Variants in CABCOCO1 observed in about 807,000 individuals in gnomAD.
CABCOCO1 encodes ciliary associated calcium binding coiled-coil 1.
CABCOCO1 carries 28 observed loss-of-function variants against 35.7 expected under a neutral mutation model. The ratio of observed to expected loss-of-function variants is 0.78; its 90% CI spans 0.58 to 1.07. The LOEUF (loss-of-function observed/expected upper bound fraction) is 1.07. Among genes scored for constraint, CABCOCO1 ranks in the 50% least tolerant of loss-of-function variants. The probability of loss-of-function intolerance (pLI) is 0.00; values close to 1 mark genes in which losing one functional copy is unlikely to be tolerated. For missense variants in CABCOCO1, 326 were observed against 309.2 expected, an observed-to-expected ratio of 1.05 and a Z score of -0.41; for synonymous variants, 95 against 100.1, an observed-to-expected ratio of 0.95 and a Z score of 0.30.
chr10:61,743,091 G>A (rs945544422), intron 5 of CABCOCO1, among the ~76,000 whole-genome samples: 3 of 152,130 alleles, frequency 2.0e-5, no homozygotes, highest in Admixed American at 6.6e-5. Context: ...TGCAAGTAAA[G>A]TAATAAGGCC....
At chr10:61,667,927 C>T (rs1446318748) in intron 1 of CABCOCO1, among the ~76,000 whole-genome samples, 2 of 151,846 alleles carry the variant, frequency 1.3e-5, no homozygotes, top group African/African-American at 4.8e-5. Flanking sequence ...CATCCATCAC[C>T]TTTTTGTAGT....
In CABCOCO1 at chr10:61,687,103, A is replaced by T. The variant is rs1490287875; in HGVS notation, c.479+918A>T. On this transcript the variant is annotated intron_variant, in intron 4 of 7. Transcript: ENST00000648843. ...AGCTGAAATCTAGAAAGCTTTTTAAATCCTAGTAGGTTTAATATGATAAAG... is the reference window on the plus strand; with the variant it reads ...AGCTGAAATCTAGAAAGCTTTTTAATTCCTAGTAGGTTTAATATGATAAAG... 2.0e-5 allele frequency among the ~76,000 whole-genome samples: 3 copies of T among 152,196 alleles called. No homozygotes were observed. In the East Asian group the frequency reaches 5.8e-4, roughly 29 times the overall value.
At chr10:61,756,901 A>G (rs1475724780) in intron 5 of CABCOCO1, among the ~76,000 whole-genome samples, 1 of 152,052 alleles carries the variant, frequency 6.6e-6, no homozygotes, top group African/African-American at 2.4e-5. Context: ...TGAGGAAAAA[A>G]AAATGAGACA....
rs1564532180 is a variant in CABCOCO1 at position 61,680,400 on chromosome 10, A to ATG, written c.165-742_165-741insGT. Among the ~76,000 whole-genome samples the ATG allele has an allele frequency of 6.7e-5, 9 of 135,082 alleles. No homozygotes were observed. The East Asian group carries it at 1.4e-3, about 21-fold the overall frequency. The allele number at this position is 135,082 out of a possible 152,430, so 88.6% of individuals were successfully genotyped here. ...TATAACATATAATATATATATTTTT[A>ATG]TATATAACATATATAATATATATTT... On this transcript the variant is annotated intron_variant, in intron 2 of 7. Coordinates refer to ENST00000648843, the MANE Select transcript of CABCOCO1 (RefSeq NM_001366906.2).
intron 1 of CABCOCO1, among the ~76,000 whole-genome samples, chr10:61,671,738 C>T (rs1483299587): frequency 6.6e-6 from 1 of 151,146 alleles, no homozygotes; most frequent in Non-Finnish European, 1.5e-5. Context: ...TTCCTCTGCT[C>T]CTGTCTTTCC....
intron 5 of CABCOCO1, among the ~76,000 whole-genome samples, chr10:61,720,016 A>G (rs1315137834): frequency 6.6e-6 from 1 of 152,114 alleles, no homozygotes; most frequent in African/African-American, 2.4e-5. Flanking sequence ...AGAGCCAAGA[A>G]AGATTCAACA....
At chr10:61,764,083 T>C (rs959341379) in intron 7 of CABCOCO1, among the ~76,000 whole-genome samples, 1 of 152,068 alleles carries the variant, frequency 6.6e-6, no homozygotes, top group Admixed American at 6.6e-5. Flanking sequence ...CTCGGTAAAA[T>C]ACCAGAAAGG....
At chr10:61,707,090 G>A (rs1169028691) in intron 5 of CABCOCO1, among the ~76,000 whole-genome samples, 10 of 152,136 alleles carry the variant, frequency 6.6e-5, no homozygotes. Context: ...CCTCAAATGA[G>A]ATTCGAATTG....
intron 5 of CABCOCO1, among the ~76,000 whole-genome samples, chr10:61,709,990 A>C (rs1840689119): frequency 6.6e-6 from 1 of 152,090 alleles, no homozygotes; most frequent in African/African-American, 2.4e-5. Flanking sequence ...ATAAAAATAA[A>C]CACTTTACAT....
intron 2 of CABCOCO1, among the ~76,000 whole-genome samples, chr10:61,673,610 G>A (rs1358307099): frequency 6.6e-6 from 1 of 152,214 alleles, no homozygotes; most frequent in African/African-American, 2.4e-5. Flanking sequence ...ACTGAGAAGG[G>A]AATATGACAG....
chr10:61,733,426 T>A (rs1453650929), intron 5 of CABCOCO1, among the ~76,000 whole-genome samples: 1 of 151,990 alleles, frequency 6.6e-6, no homozygotes, highest in Non-Finnish European at 1.5e-5. Context: ...AAATCCAGAA[T>A]TTTCTAATCC....
chr10:61,741,099 G>A (rs1314825562), intron 5 of CABCOCO1, among the ~76,000 whole-genome samples: 3 of 151,694 alleles, frequency 2.0e-5, no homozygotes, highest in African/African-American at 7.3e-5. Flanking sequence ...AGCCAAGATC[G>A]CACCATTGCA....
At position 61,764,860 on chromosome 10, in the gene CABCOCO1, CTG is replaced by C. The variant is rs569397353; in HGVS notation, c.817-1076_817-1075del. On this transcript the variant is annotated intron_variant, in intron 7 of 7. Transcript: ENST00000648843. ...ATCTTTCCAGAAATATCAAATCTTA[CTG>C]TGAGGTGAAATCAAATCTCATCAGA... Among the ~76,000 whole-genome samples the C allele has an allele frequency of 2.0e-4, 30 of 152,252 alleles. No homozygotes were observed. In the East Asian group the frequency reaches 5.8e-3, roughly 29 times the overall value.
intron 2 of CABCOCO1, among the ~76,000 whole-genome samples, chr10:61,675,962 C>T (rs1037134585): frequency 1.3e-4 from 20 of 152,098 alleles, no homozygotes; most frequent in Non-Finnish European, 1.6e-4. Context: ...CTTCATAAAA[C>T]TTTGATTTTA....
At chr10:61,727,079 TATA>T (rs1841172495) in intron 5 of CABCOCO1, among the ~76,000 whole-genome samples, 2 of 151,924 alleles carry the variant, frequency 1.3e-5, no homozygotes, top group African/African-American at 4.8e-5. Flanking sequence ...AAAAAAATGT[TATA>T]ATAATAAGAG....
intron 5 of CABCOCO1, among the ~76,000 whole-genome samples, chr10:61,747,415 C>A (rs182416646): frequency 2.2e-4 from 33 of 152,198 alleles, no homozygotes; most frequent in African/African-American, 6.5e-4. Flanking sequence ...ACCTTGCATA[C>A]CAGATCTTTC....
intron 1 of CABCOCO1, among the ~76,000 whole-genome samples, chr10:61,664,666 T>G (rs1455404332): frequency 6.6e-6 from 1 of 152,224 alleles, no homozygotes; most frequent in African/African-American, 2.4e-5. Flanking sequence ...GCAGTGTTCA[T>G]TTACTAAGAT....
At chr10:61,725,432 A>T (rs1042573462) in intron 5 of CABCOCO1, among the ~76,000 whole-genome samples, 5 of 152,238 alleles carry the variant, frequency 3.3e-5, no homozygotes, top group Non-Finnish European at 5.9e-5. Flanking sequence ...TGCAGCCATA[A>T]AAAAGGATGA....
chr10:61,667,666 T>C (rs71507181), intron 1 of CABCOCO1, among the ~76,000 whole-genome samples: 2,361 of 151,988 alleles, frequency 0.016, 40 homozygotes, highest in East Asian at 0.046. Flanking sequence ...ACCTTTTCTG[T>C]TTCTAATTAG....
Sources: gnomAD v4.1 joint callset for allele counts (sites outside exome capture counted in the v4.1 genomes callset) on GRCh38, gnomAD v4.1.1 for gene constraint, MANE v1.5 for transcripts, NCBI Gene and HGNC (gene_info 2026-07-23, HGNC 2026-07-21) for gene names.